Variants in SMYD4 observed in about 807,000 individuals in gnomAD.
The protein encoded by SMYD4 is SET and MYND domain containing 4.
Under a neutral mutation model 72.8 loss-of-function variants are expected in SMYD4, and 68 were observed. That is an observed-to-expected ratio of 0.93 (90% confidence interval 0.77 to 1.14). SMYD4 has a LOEUF of 1.14. SMYD4 is among the 50% of genes most tolerant of loss of function. The pLI is 0.00. For missense variants in SMYD4, 984 were observed against 1,003.7 expected, an observed-to-expected ratio of 0.98 and a Z score of 0.27; for synonymous variants, 407 against 388.6, an observed-to-expected ratio of 1.05 and a Z score of -0.56.
In SMYD4 at chr17:1,811,995, T is replaced by C. The variant is rs1320435550; in HGVS notation, c.255A>G (p.Thr85=). ...GNKKFQEKDY[T]GAAVLYSKGV... ...CCTTAGAGTACAGCACTGCAGCTCC[T>C]GTGTAATCTTTCTCCTGAAATTTTT... The change falls in exon 3 of 11, where the codon ACA becomes ACG. Residue 85 remains threonine (T), a synonymous_variant. Transcript: ENST00000305513. The C allele has an allele frequency of 4.3e-6, 7 of 1,614,172 alleles. No homozygotes were observed. The East Asian group carries it at 8.9e-5, about 21-fold the overall frequency.
intron 1 of SMYD4, among the ~76,000 whole-genome samples, chr17:1,828,868 A>G (rs1253168101): frequency 6.6e-6 from 1 of 152,078 alleles, no homozygotes; most frequent in Non-Finnish European, 1.5e-5. Flanking sequence ...AAGCGCTGGG[A>G]TTACAGGCGT....
intron 2 of SMYD4, among the ~76,000 whole-genome samples, chr17:1,823,747 G>T (rs1280115580): frequency 6.6e-6 from 1 of 152,134 alleles, no homozygotes; most frequent in East Asian, 1.9e-4. Flanking sequence ...TCAAAATTCA[G>T]TTGACCTGAG....
intron 8 of SMYD4, 35 bp from the exon 9 acceptor site, chr17:1,783,511 CA>C (rs1225374094): frequency 1.3e-6 from 2 of 1,569,128 alleles, no homozygotes; most frequent in Non-Finnish European, 1.7e-6. Flanking sequence ...TCACTATAGA[CA>C]GAAGCCCAGT....
At chr17:1,795,405 CTCTATCTATCTATCTATCTA>C (rs6145948) in intron 5 of SMYD4, among the ~76,000 whole-genome samples, 65 of 148,946 alleles carry the variant, frequency 4.4e-4, no homozygotes, top group African/African-American at 1.3e-3. Flanking sequence ...ACGATCTCAG[CTCTATCTATCTATCTATCTA>C]TCTATCTATC....
At chr17:1,794,093 A>ATT (rs1567771023) in intron 5 of SMYD4, among the ~76,000 whole-genome samples, 1 of 19,388 alleles carries the variant, frequency 5.2e-5, no homozygotes, top group Non-Finnish European at 1.2e-4. Context: ...ATATATATAT[A>ATT]TATATATATA....
At chr17:1,814,975 A>C (rs1432219519) in intron 2 of SMYD4, among the ~76,000 whole-genome samples, 1 of 152,208 alleles carries the variant, frequency 6.6e-6, no homozygotes, top group Admixed American at 6.5e-5. Context: ...GTTAAACCTA[A>C]AAACCCTAGT....
chr17:1,796,299 G>GTTTTT (rs35650939), intron 5 of SMYD4, among the ~76,000 whole-genome samples: 17,742 of 109,344 alleles, frequency 0.16, 2,300 homozygotes, highest in Non-Finnish European at 0.18. Flanking sequence ...ATGCCTGGCT[G>GTTTTT]TTTTTTTTTT....
chr17:1,829,537 A>C (rs1174188233), intron 1 of SMYD4, 189 bp downstream of exon 1: 1 of 152,418 alleles, frequency 6.6e-6, no homozygotes, highest in Non-Finnish European at 1.5e-5. Flanking sequence ...CTCTTCTCTA[A>C]GGACGGGGGC....
chr17:1,783,581 T>C (rs765370418), intron 8 of SMYD4, 105 bp from the exon 9 acceptor site: 10 of 1,496,170 alleles, frequency 6.7e-6, no homozygotes, highest in African/African-American at 4.2e-5. Context: ...AATGTGGAAA[T>C]TCCCCCTGGC....
At chr17:1,815,888 C>CG (rs1350757501) in intron 2 of SMYD4, among the ~76,000 whole-genome samples, 5 of 151,630 alleles carry the variant, frequency 3.3e-5, no homozygotes, top group Non-Finnish European at 7.4e-5. Context: ...TTAGGAGAGA[C>CG]GGGGTTTCAC....
chr17:1,820,308 T>C (rs775664712), intron 2 of SMYD4, among the ~76,000 whole-genome samples: 12 of 152,056 alleles, frequency 7.9e-5, no homozygotes, highest in Non-Finnish European at 1.2e-4. Context: ...GGTACCATCA[T>C]AGCTCACGAC....
At chr17:1,803,249 C>T (rs1278265227) in intron 4 of SMYD4, among the ~76,000 whole-genome samples, 1 of 152,196 alleles carries the variant, frequency 6.6e-6, no homozygotes, top group Non-Finnish European at 1.5e-5. Flanking sequence ...GAAAGCTGAC[C>T]TCACAGGCAG....
intron 5 of SMYD4, among the ~76,000 whole-genome samples, chr17:1,795,504 A>G (rs1453391185): frequency 6.6e-6 from 1 of 152,078 alleles, no homozygotes; most frequent in African/African-American, 2.4e-5. Context: ...GTACAGTGGC[A>G]CGATCTCAGC....
At chr17:1,792,069 C>T (rs911447747) in intron 5 of SMYD4, among the ~76,000 whole-genome samples, 22 of 150,676 alleles carry the variant, frequency 1.5e-4, no homozygotes, top group African/African-American at 4.6e-4. Flanking sequence ...GACGGGGTCT[C>T]GCTCTGTCGC....
intron 5 of SMYD4, among the ~76,000 whole-genome samples, chr17:1,792,030 A>G (rs1909061234): frequency 7.0e-6 from 1 of 142,854 alleles, no homozygotes; most frequent in Non-Finnish European, 1.5e-5. Context: ...TTTAAATCCT[A>G]ACCTAAAATA....
Position 1,799,997 on chromosome 17 carries a change from C to T in SMYD4, c.1397G>A (p.Arg466Lys). 1 of 1,614,070 alleles carries T rather than the reference C, an allele frequency of 6.2e-7. No individual in the cohort carries two copies. Among genetic ancestry groups the T allele is most frequent in the Non-Finnish European group, 8.5e-7 (1 of 1,180,010 alleles). ...AASLQAIPTE[R>K]IVNSSQLKAA... ...TTTAAGCTGAGAGGAGTTCACAATC[C>T]TCTCAGTTGGGATGGCCTGTAAACT... is the stretch of plus-strand genomic sequence containing the variant. Residue 466 changes from arginine (R) to lysine (K), a missense_variant, in exon 5 of 11, where the codon AGG (arginine) becomes AAG (lysine). Physicochemically the swap from Arg to Lys is conservative, Grantham distance 26. Transcript: ENST00000305513.
chr17:1,801,780 T>C (rs1050577324), intron 4 of SMYD4, among the ~76,000 whole-genome samples: 2 of 150,958 alleles, frequency 1.3e-5, no homozygotes. Context: ...ATCGAGACCA[T>C]CCTGGCTAAC....
intron 3 of SMYD4, among the ~76,000 whole-genome samples, chr17:1,807,363 C>T (rs1910090389): frequency 6.6e-6 from 1 of 150,706 alleles, no homozygotes; most frequent in Non-Finnish European, 1.5e-5. Flanking sequence ...TTCGCTCTTT[C>T]GCCCAGGCTG....
In SMYD4 at chr17:1,800,398, C is replaced by G. The variant is rs534582811; in HGVS notation, c.996G>C (p.Arg332Ser). ...CLQQAWELYH[R>S]TECPLGGLLL... is the part of the protein sequence containing the mutation. ...GCAGCCCTCCCAGAGGACATTCTGT[C>G]CTGTGGTAGAGCTCCCAGGCCTGCT... Residue 332 changes from arginine (R) to serine (S), a missense_variant, in exon 5 of 11, where the codon AGG becomes AGC. Transcript: ENST00000305513. 6.2e-7 allele frequency: 1 copy of G among 1,614,164 alleles called. No homozygotes were observed. The highest frequency in any genetic ancestry group is 1.7e-5 in the Admixed American group (1 of 60,006).
Sources: gnomAD v4.1 joint callset for allele counts (sites outside exome capture counted in the v4.1 genomes callset) on GRCh38, gnomAD v4.1.1 for gene constraint, MANE v1.5 for transcripts, NCBI Gene and HGNC (gene_info 2026-07-23, HGNC 2026-07-21) for gene names.